Variants in ABLIM3 observed in about 807,000 individuals in gnomAD.
ABLIM3 encodes the protein actin binding LIM protein family member 3, also known as actin-binding LIM protein 3.
ABLIM3 carries 61 observed loss-of-function variants against 109.5 expected under a neutral mutation model. The ratio of observed to expected loss-of-function variants is 0.56; its 90% CI spans 0.45 to 0.69. ABLIM3 has a LOEUF of 0.69. Ranked by LOEUF, ABLIM3 falls within the 30% of genes least tolerant of loss-of-function variation. The pLI is 0.00. For missense variants in ABLIM3, 796 were observed against 889.5 expected (o/e 0.89, Z 1.34); for synonymous variants, 300 against 324.8 (o/e 0.92, Z 0.82).
At chr5:149,200,452 C>T in intron 5 of ABLIM3, 24 bp downstream of exon 5, 1 of 1,605,076 alleles carries the variant, frequency 6.2e-7, no homozygotes, top group Non-Finnish European at 8.5e-7. Context: ...ACGGGTATCT[C>T]CCTGTCCATG....
intron 6 of ABLIM3, 60 bp from the exon 7 acceptor site, chr5:149,210,666 C>T (rs1355730904): frequency 1.4e-6 from 2 of 1,445,868 alleles, no homozygotes; most frequent in African/African-American, 2.8e-5. Context: ...ATCTAAATGC[C>T]ATGTGCACCC....
intron 8 of ABLIM3, among the ~76,000 whole-genome samples, chr5:149,227,192 A>G (rs1014643346): frequency 1.3e-5 from 2 of 152,130 alleles, no homozygotes; most frequent in African/African-American, 4.8e-5. Flanking sequence ...TGCTATAACC[A>G]ATCAGAGAGA....
At chr5:149,248,859 GACACACACACACACACACACACAC>G (rs55707887) in intron 18 of ABLIM3, among the ~76,000 whole-genome samples, 1 of 144,602 alleles carries the variant, frequency 6.9e-6, no homozygotes, top group Admixed American at 6.9e-5. Context: ...CCTATTCCTG[GACACACACACACACACACACACAC>G]ACACACACAC....
At chr5:149,155,811 G>T (rs959558232) in intron 2 of ABLIM3, among the ~76,000 whole-genome samples, 1 of 152,178 alleles carries the variant, frequency 6.6e-6, no homozygotes, top group African/African-American at 2.4e-5. Context: ...CTGAGAAAAC[G>T]CTGGGAGTTG....
rs534432621 is a variant in ABLIM3, at chr5:149,157,860, G to A, written c.13+15752G>A. ...CAGACCCCAGACTTCCCAGTTGCAA[G>A]AACCAACAAACTCTCTTTTTGCTTA... On this transcript the variant is annotated intron_variant, in intron 2 of 23. Transcript: ENST00000309868. 2.6e-5 allele frequency among the ~76,000 whole-genome samples: 4 copies of A among 152,232 alleles called. No individual in the cohort carries two copies. The East Asian group carries it at 5.8e-4, about 22-fold the overall frequency.
intron 23 of ABLIM3, among the ~76,000 whole-genome samples, chr5:149,255,993 A>C (rs1404007562): frequency 6.6e-6 from 1 of 152,206 alleles, no homozygotes; most frequent in African/African-American, 2.4e-5. Flanking sequence ...GGGGTTAGGT[A>C]ACTTGTCCAT....
chr5:149,182,577 C>G (rs1581067084), intron 2 of ABLIM3, among the ~76,000 whole-genome samples: 1 of 152,282 alleles, frequency 6.6e-6, no homozygotes, highest in East Asian at 1.9e-4. Context: ...TTTAGAATAG[C>G]CAAGCCAAGT....
intron 15 of ABLIM3, 33 bp from the exon 16 acceptor site, chr5:149,244,848 C>G: frequency 6.2e-7 from 1 of 1,614,142 alleles, no homozygotes; most frequent in Admixed American, 1.7e-5. Flanking sequence ...GTCACTCTGC[C>G]TTCCTGAAGT....
At chr5:149,210,883 C>A (rs1021089524) in intron 7 of ABLIM3, 64 bp downstream of exon 7, 1 of 1,465,622 alleles carries the variant, frequency 6.8e-7, no homozygotes, top group Non-Finnish European at 9.6e-7. Context: ...AAAGTCATCA[C>A]AGAAGAAGGA....
intron 3 of ABLIM3, among the ~76,000 whole-genome samples, chr5:149,184,143 C>A (rs78478511): frequency 0.062 from 9,404 of 152,016 alleles, 698 homozygotes; most frequent in African/African-American, 0.18. Context: ...AATTTATATA[C>A]TCCTAGACTC....
intron 7 of ABLIM3, among the ~76,000 whole-genome samples, chr5:149,213,146 G>A (rs1245232710): frequency 6.6e-6 from 1 of 152,048 alleles, no homozygotes. Flanking sequence ...AAGAAATATG[G>A]ATCAGAGCTC....
intron 2 of ABLIM3, among the ~76,000 whole-genome samples, chr5:149,150,192 A>G (rs1038368445): frequency 1.4e-4 from 22 of 152,082 alleles, no homozygotes; most frequent in Non-Finnish European, 1.5e-4. Context: ...GAGGTGAGGG[A>G]GTTCAGAATA....
At position 149,230,697 on chromosome 5, in the gene ABLIM3, A is replaced by G. The variant is rs1561613584; in HGVS notation, c.806A>G (p.Lys269Arg). 2 of 1,614,090 alleles carry G rather than the reference A, an allele frequency of 1.2e-6. No homozygotes were observed. The highest frequency in any genetic ancestry group is 1.1e-5 in the South Asian group (1 of 91,084). ...TGCAAACAGGCAGCCCGGGCAGAGA[A>G]GAAGTTAAAGGTAAGCAAGCTAGTA... is the stretch of plus-strand genomic sequence containing the variant. ...PICKQAARAEKKLKHRRTSET... is the reference protein window; with the variant it reads ...PICKQAARAERKLKHRRTSET... Residue 269 changes from lysine (K) to arginine (R), a missense_variant, in exon 9 of 24, where the codon AAG becomes AGG. Coordinates refer to ENST00000309868, the MANE Select transcript of ABLIM3 (RefSeq NM_014945.5).
chr5:149,211,692 G>T (rs1759573037), intron 7 of ABLIM3, among the ~76,000 whole-genome samples: 2 of 150,998 alleles, frequency 1.3e-5, no homozygotes, highest in South Asian at 2.1e-4. Flanking sequence ...TGAGTGCTTT[G>T]TTGAGAACAA....
In ABLIM3 at chr5:149,191,124, T is replaced by C. The variant is rs144537321; in HGVS notation, c.152-7095T>C. On this transcript the variant is annotated intron_variant, in intron 3 of 23. Coordinates refer to ENST00000309868, the MANE Select transcript of ABLIM3 (RefSeq NM_014945.5). ...CATTAATCAAAGAAAAAACGCACAG[T>C]GGACAGGATTAGCAAAAGTTGATTC... Among the ~76,000 whole-genome samples, 350 of 152,202 alleles carry C rather than the reference T, an allele frequency of 2.3e-3. 2 individuals are homozygous for C. The highest frequency in any genetic ancestry group is 0.014 in the South Asian group (69 of 4,822).
Position 149,142,017 on chromosome 5 carries a change from T to C in ABLIM3, c.-79T>C. 1.2e-6 allele frequency: 2 copies of C among 1,609,138 alleles called. No individual in the cohort carries two copies. Among genetic ancestry groups the C allele is most frequent in the Non-Finnish European group, 1.7e-6 (2 of 1,175,646 alleles). ...GCCTTTTCACCCCCCAGGTGATGAG[T>C]GAGGTTCGAAGAACGGAAGATTTAA... On this transcript the variant is annotated 5_prime_UTR_variant, in exon 2 of 24. It removes the in-frame stop codon of an upstream open reading frame in the 5' UTR. Transcript: ENST00000309868.
chr5:149,177,753 G>C (rs1200107478), intron 2 of ABLIM3, among the ~76,000 whole-genome samples: 3 of 152,190 alleles, frequency 2.0e-5, no homozygotes, highest in African/African-American at 7.2e-5. Context: ...AGCTGATAGG[G>C]GTGATTTAGA....
At chr5:149,191,077 A>G (rs1454535963) in intron 3 of ABLIM3, among the ~76,000 whole-genome samples, 2 of 152,176 alleles carry the variant, frequency 1.3e-5, no homozygotes, top group African/African-American at 2.4e-5. Flanking sequence ...GTAAAATAGA[A>G]GGAAGGAAAT....
At chr5:149,178,821 C>T (rs1247204491) in intron 2 of ABLIM3, among the ~76,000 whole-genome samples, 1 of 152,124 alleles carries the variant, frequency 6.6e-6, no homozygotes, top group Non-Finnish European at 1.5e-5. Flanking sequence ...GAAGAGGACA[C>T]ACAAGGCAGA....
Sources: gnomAD v4.1 joint callset for allele counts (sites outside exome capture counted in the v4.1 genomes callset) on GRCh38, gnomAD v4.1.1 for gene constraint, MANE v1.5 for transcripts, NCBI Gene and HGNC (gene_info 2026-07-23, HGNC 2026-07-21) for gene names.